Variants in MEF2C observed in about 807,000 individuals in gnomAD.
MEF2C encodes the protein myocyte-specific enhancer factor 2C.
MEF2C carries 6 observed loss-of-function variants against 50.5 expected under a neutral mutation model. The ratio of observed to expected loss-of-function variants is 0.12; its 90% CI spans 0.07 to 0.23. The LOEUF is 0.23. Among genes scored for constraint, MEF2C ranks in the 10% least tolerant of loss-of-function variants. The probability of loss-of-function intolerance (pLI) is 1.00; values close to 1 mark genes in which losing one functional copy is unlikely to be tolerated. For synonymous variants in MEF2C, 183 were observed against 228.0 expected, an observed-to-expected ratio of 0.80 and a Z score of 1.78; for missense variants, 276 against 605.0, an observed-to-expected ratio of 0.46 and a Z score of 5.70.
rs1765865051 is a variant in MEF2C, at chr5:88,740,044, C to T, written c.638-8143G>A. 3 of 985,308 alleles carry T rather than the reference C, an allele frequency of 3.0e-6. No homozygotes were observed. In the South Asian group the frequency reaches 1.4e-4, roughly 46 times the overall value. The allele number at this position is 985,308 out of a possible 1,614,324, so 61.0% of individuals were successfully genotyped here. A position where few individuals can be genotyped will look rare whatever the true frequency, so the allele number is the denominator to read the frequency against. ...TTTGTGGTATATTCTTAGAGAAATA[C>T]CCCAAGACTATACCAAAGCCAAGAA... is the stretch of plus-strand genomic sequence containing the variant. On this transcript the variant is annotated intron_variant, in intron 6 of 10. Transcript: ENST00000504921.
intron 1 of MEF2C, among the ~76,000 whole-genome samples, chr5:88,840,683 A>T (rs568509165): frequency 1.3e-5 from 2 of 152,020 alleles, no homozygotes; most frequent in Non-Finnish European, 2.9e-5. Flanking sequence ...CTAGTTTACC[A>T]AGGTTATGCT....
chr5:88,796,184 T>C (rs1340500771), intron 3 of MEF2C, among the ~76,000 whole-genome samples: 2 of 152,118 alleles, frequency 1.3e-5, no homozygotes, highest in Non-Finnish European at 2.9e-5. Context: ...CCCTCTTTTT[T>C]TATTATTTGG....
rs1308876743 is a variant in MEF2C, at chr5:88,883,095, C to T, written c.-283G>A. ...TCTCCACCTGATTCAAACATGCAGC[C>T]ACGGCGACCCACACAGAACCTTCAA... On this transcript the variant is annotated 5_prime_UTR_variant, in exon 1 of 11. Transcript: ENST00000504921. The T allele has an allele frequency of 2.6e-5, 4 of 152,446 alleles. No individual in the cohort carries two copies. Among genetic ancestry groups the T allele is most frequent in the Non-Finnish European group, 4.4e-5 (3 of 68,016 alleles). 9.4% of individuals were successfully genotyped at this position (152,446 alleles called of 1,614,324 possible). A position where few individuals can be genotyped will look rare whatever the true frequency, so the allele number is the denominator to read the frequency against.
chr5:88,861,123 A>C (rs578211823), intron 1 of MEF2C, among the ~76,000 whole-genome samples: 1 of 152,376 alleles, frequency 6.6e-6, no homozygotes, highest in East Asian at 1.9e-4. Context: ...TCAATTCTAC[A>C]GCTAGAATGG....
chr5:88,819,506 C>T (rs1263234504), intron 2 of MEF2C: 1 of 438,034 alleles, frequency 2.3e-6, no homozygotes, highest in Admixed American at 6.4e-5. Flanking sequence ...CAAGCTCTTT[C>T]CTCTCTTAAG....
At chr5:88,788,219 G>C (rs1189998345) in intron 3 of MEF2C, among the ~76,000 whole-genome samples, 1 of 149,472 alleles carries the variant, frequency 6.7e-6, no homozygotes, top group African/African-American at 2.5e-5. Flanking sequence ...TAGAGACTGT[G>C]TCTCGCTCTG....
chr5:88,805,383 T>A (rs577708614), intron 2 of MEF2C, among the ~76,000 whole-genome samples: 1 of 152,214 alleles, frequency 6.6e-6, no homozygotes, highest in Non-Finnish European at 1.5e-5. Flanking sequence ...TTCATTCTTC[T>A]GTGTATCTTT....
intron 1 of MEF2C, among the ~76,000 whole-genome samples, chr5:88,864,427 C>G (rs1234918004): frequency 6.6e-6 from 1 of 151,692 alleles, no homozygotes; most frequent in Non-Finnish European, 1.5e-5. Flanking sequence ...AACTGCAATA[C>G]CTGGATGGCA....
intron 1 of MEF2C, among the ~76,000 whole-genome samples, chr5:88,873,920 T>C (rs192770793): frequency 1.3e-3 from 204 of 151,956 alleles, no homozygotes; most frequent in Non-Finnish European, 2.9e-4. Context: ...AGAAAAATCA[T>C]CCAGAATAAA....
At chr5:88,834,601 G>A (rs538772626) in intron 1 of MEF2C, among the ~76,000 whole-genome samples, 5 of 152,272 alleles carry the variant, frequency 3.3e-5, no homozygotes, top group South Asian at 4.1e-4. Flanking sequence ...ATGGACCAAG[G>A]GGTGATGAAG....
intron 1 of MEF2C, among the ~76,000 whole-genome samples, chr5:88,846,388 GTGC>G (rs1442999189): frequency 6.6e-6 from 1 of 152,148 alleles, no homozygotes; most frequent in Non-Finnish European, 1.5e-5. Flanking sequence ...CTTTACGAAA[GTGC>G]TACAAATATA....
upstream of MEF2C, among the ~76,000 whole-genome samples, chr5:88,884,853 C>G (rs1046056410): frequency 3.3e-5 from 5 of 150,966 alleles, no homozygotes; most frequent in South Asian, 2.1e-4. Flanking sequence ...TGGGCACCTC[C>G]CGCCCTAACC....
intron 1 of MEF2C, chr5:88,892,126 T>A (rs1834652145): frequency 6.6e-6 from 1 of 152,210 alleles, no homozygotes; most frequent in Non-Finnish European, 1.5e-5. Context: ...CCATTCTCCC[T>A]AAAATCCAGT....
chr5:88,740,677 CA>C (rs756482590), intron 6 of MEF2C: 22,573 of 718,174 alleles, frequency 0.031, 5 homozygotes, highest in South Asian at 0.039. Context: ...GTCTCCAGTA[CA>C]AAAAAAAAAA....
At chr5:88,897,228 G>A (rs1835204063) in intron 1 of MEF2C, among the ~76,000 whole-genome samples, 1 of 152,110 alleles carries the variant, frequency 6.6e-6, no homozygotes. Flanking sequence ...AATGAATAAG[G>A]TCTGTGCTTG....
chr5:88,839,351 C>CTCTCTCTCTATCTATCTA (rs10694803), intron 1 of MEF2C: 3 of 146,298 alleles, frequency 2.1e-5, no homozygotes, highest in African/African-American at 7.8e-5. Flanking sequence ...CTCTCTCTCT[C>CTCTCTCTCTATCTATCTA]TCTATCTATC....
chr5:88,873,596 A>C (rs1830172807), intron 1 of MEF2C, among the ~76,000 whole-genome samples: 1 of 151,888 alleles, frequency 6.6e-6, no homozygotes, highest in African/African-American at 2.4e-5. Context: ...AAGATCAAAC[A>C]GTCTTGGAAG....
intron 6 of MEF2C, chr5:88,733,170 G>A: frequency 2.0e-6 from 2 of 985,314 alleles, no homozygotes; most frequent in Non-Finnish European, 2.4e-6. Context: ...CACAGAAGAG[G>A]CAGGAATTGA....
Position 88,791,461 on chromosome 5 carries a change from C to T in MEF2C, c.258+13137G>A, listed in dbSNP as rs148285616. Reference sequence around the variant, plus strand: ...TCTACTATTATTAAGTAATTATCTGCTCACTGTGTTCATACTAATGCTTGC... The same window carrying T: ...TCTACTATTATTAAGTAATTATCTGTTCACTGTGTTCATACTAATGCTTGC... On this transcript the variant is annotated intron_variant, in intron 3 of 10. Coordinates refer to ENST00000504921, the MANE Select transcript of MEF2C (RefSeq NM_002397.5). Among the ~76,000 whole-genome samples, 106 of 152,174 alleles carry T rather than the reference C, an allele frequency of 7.0e-4. No individual in the cohort carries two copies. In the South Asian group the frequency reaches 0.01, roughly 15 times the overall value.
Sources: gnomAD v4.1 joint callset for allele counts (sites outside exome capture counted in the v4.1 genomes callset) on GRCh38, gnomAD v4.1.1 for gene constraint, MANE v1.5 for transcripts, NCBI Gene and HGNC (gene_info 2026-07-23, HGNC 2026-07-21) for gene names.